HYCC2: variants seen among roughly 807,000 people sequenced by gnomAD.
HYCC2 encodes the protein hyccin PI4KA lipid kinase complex subunit 2, also known as hyccin 2.
chr2:201,015,302 C>T, the HYCC2 span, among the ~76,000 whole-genome samples: 2 of 152,134 alleles, frequency 1.3e-5, no homozygotes, highest in Non-Finnish European at 2.9e-5. Flanking sequence ...TCTAGCATAC[C>T]CTCCCCATCT....
the HYCC2 span, among the ~76,000 whole-genome samples, chr2:201,053,549 T>C: frequency 6.6e-6 from 1 of 152,212 alleles, no homozygotes; most frequent in Non-Finnish European, 1.5e-5. Context: ...AAGCCAAAGC[T>C]AGCCTAATGA....
the HYCC2 span, among the ~76,000 whole-genome samples, chr2:201,055,600 G>A: frequency 4.2e-4 from 64 of 152,222 alleles, 1 homozygote; most frequent in African/African-American, 1.5e-3. Context: ...TCCAGGGACT[G>A]AGGTGAGAGG....
chr2:200,989,452 C>A, the HYCC2 span, among the ~76,000 whole-genome samples: 4,443 of 152,214 alleles, frequency 0.029, 108 homozygotes, highest in Middle Eastern at 0.088. Context: ...AGAATTACTG[C>A]AAATGCTACC....
At chr2:201,011,311 T>A in the HYCC2 span, 30 of 782,608 alleles carry the variant, frequency 3.8e-5, no homozygotes, top group South Asian at 1.6e-4. Flanking sequence ...TTTAGGAATA[T>A]TTATCTCTGA....
At chr2:201,042,573 C>T in the HYCC2 span, among the ~76,000 whole-genome samples, 45 of 151,566 alleles carry the variant, frequency 3.0e-4, no homozygotes, top group African/African-American at 6.8e-4. Flanking sequence ...CCAGCCGCCC[C>T]GTCTGAGAAG....
At chr2:201,011,591 A>C in the HYCC2 span, 1 of 569,994 alleles carries the variant, frequency 1.8e-6, no homozygotes, top group South Asian at 3.1e-5. Context: ...AGAAACAGTA[A>C]TGTATAAAAA....
chr2:201,053,439 G>A, the HYCC2 span, among the ~76,000 whole-genome samples: 1 of 152,212 alleles, frequency 6.6e-6, no homozygotes, highest in Non-Finnish European at 1.5e-5. Context: ...AACATTTATA[G>A]GAATGCGAAA....
the HYCC2 span, among the ~76,000 whole-genome samples, chr2:201,060,578 C>T: frequency 6.6e-6 from 1 of 152,158 alleles, no homozygotes; most frequent in African/African-American, 2.4e-5. Context: ...AAGAAGAAGA[C>T]AGAAGCAGCC....
the HYCC2 span, among the ~76,000 whole-genome samples, chr2:201,043,343 G>A: frequency 4.0e-5 from 6 of 149,408 alleles, no homozygotes; most frequent in African/African-American, 1.5e-4. Context: ...TTGTTCACAT[G>A]TTTATCTGCT....
At chr2:201,063,704 C>G in the HYCC2 span, 1 of 1,577,042 alleles carries the variant, frequency 6.3e-7, no homozygotes, top group Admixed American at 1.7e-5. Flanking sequence ...TGGTGGTGGT[C>G]GTGGAGGTGG....
At chr2:201,034,488 G>A in the HYCC2 span, among the ~76,000 whole-genome samples, 7 of 151,832 alleles carry the variant, frequency 4.6e-5, no homozygotes, top group East Asian at 7.7e-4. Context: ...TTTATTTTGA[G>A]CCTATGTGTG....
chr2:201,038,204 C>T, the HYCC2 span, among the ~76,000 whole-genome samples: 2 of 152,298 alleles, frequency 1.3e-5, no homozygotes, highest in East Asian at 1.9e-4. Flanking sequence ...TACCATCTTA[C>T]ACCAGTTAGA....
the HYCC2 span, chr2:200,988,549 G>T: frequency 1.7e-6 from 1 of 590,582 alleles, no homozygotes; most frequent in Non-Finnish European, 2.7e-6. Context: ...ACATATCTTT[G>T]TTGTTCTGTA....
At chr2:201,059,010 C>T in the HYCC2 span, among the ~76,000 whole-genome samples, 3 of 152,186 alleles carry the variant, frequency 2.0e-5, no homozygotes, top group Non-Finnish European at 4.4e-5. Context: ...TTCCTCCTGC[C>T]TAAGGACATT....
the HYCC2 span, chr2:200,987,459 T>C: frequency 7.8e-7 from 1 of 1,289,690 alleles, no homozygotes; most frequent in African/African-American, 1.5e-5. Flanking sequence ...GTTTGATCCC[T>C]AGGTCAGTGG....
At chr2:201,033,149 ATGTG>A in the HYCC2 span, among the ~76,000 whole-genome samples, 1 of 114,758 alleles carries the variant, frequency 8.7e-6, no homozygotes, top group Non-Finnish European at 1.8e-5. Flanking sequence ...AGCTATTTGT[ATGTG>A]TGTGTATGTG....
At chr2:201,029,260 A>G in the HYCC2 span, among the ~76,000 whole-genome samples, 1 of 152,302 alleles carries the variant, frequency 6.6e-6, no homozygotes, top group East Asian at 1.9e-4. Flanking sequence ...CAGTGAGATA[A>G]CATCTTACAC....
At chr2:200,987,001 C>T in the HYCC2 span, among the ~76,000 whole-genome samples, 1 of 152,160 alleles carries the variant, frequency 6.6e-6, no homozygotes, top group Non-Finnish European at 1.5e-5. Flanking sequence ...ATGAATAAGG[C>T]TCATGTCCAC....
At chr2:200,974,988 A>G in the HYCC2 span, 1 of 151,954 alleles carries the variant, frequency 6.6e-6, no homozygotes, top group Admixed American at 6.6e-5. Context: ...ATTTTACTTA[A>G]CCCACAATAT....
Sources: allele counts gnomAD v4.1 joint callset (sites outside exome capture counted in the v4.1 genomes callset), GRCh38; gene constraint gnomAD v4.1.1; transcripts MANE v1.5; gene names NCBI Gene and HGNC (gene_info 2026-07-23, HGNC 2026-07-21).